KCNU1: variants seen among roughly 807,000 people sequenced by gnomAD.
The protein encoded by KCNU1 is potassium channel subfamily U member 1.
A neutral mutation model predicts 126.8 loss-of-function variants in KCNU1; 93 were observed. The ratio of observed to expected loss-of-function variants is 0.73; its 90% CI spans 0.62 to 0.87. KCNU1 has a LOEUF of 0.87. KCNU1 is among the 40% of genes least tolerant of loss of function. The pLI is 0.00. For synonymous variants in KCNU1, 523 were observed against 494.2 expected (o/e 1.06, Z -0.77); for missense variants, 1,330 against 1,367.1 (o/e 0.97, Z 0.43).
chr8:36,863,991 A>G (rs1199607937), intron 18 of KCNU1, among the ~76,000 whole-genome samples: 1 of 152,276 alleles, frequency 6.6e-6, no homozygotes, highest in East Asian at 1.9e-4. Context: ...CATAAAGCAA[A>G]AGGAGGTGAT....
rs757356932 is a variant in KCNU1 at position 36,935,754 on chromosome 8, G to C, written c.3284G>C (p.Arg1095Thr). The C allele has an allele frequency of 1.2e-6, 2 of 1,613,362 alleles. No homozygotes were observed. The highest frequency in any genetic ancestry group is 1.3e-5 in the African/African-American group (1 of 74,862). Residue 1095 changes from arginine (R) to threonine (T), a missense_variant, in exon 27 of 27, where the codon AGA (arginine) becomes ACA (threonine). Arg to Thr is a moderately conservative substitution (Grantham distance 71, BLOSUM62 -1). Around this residue, in one of 3 missense-constraint regions of KCNU1, gnomAD observed 1,054 missense variants for 1,053.9 expected, o/e 1.00. Coordinates refer to ENST00000399881, the MANE Select transcript of KCNU1 (RefSeq NM_001031836.3). ...LYSPVYSYQPRTNSLSFPKQI... is the reference protein window; with the variant it reads ...LYSPVYSYQPTTNSLSFPKQI... ...TCACCAGTCTATTCTTACCAGCCGA[G>C]AACTAACTCCCTCTCTTTTCCTAAG...
At chr8:36,917,659 T>G (rs575288196) in intron 22 of KCNU1, among the ~76,000 whole-genome samples, 197 of 152,282 alleles carry the variant, frequency 1.3e-3, no homozygotes, top group Non-Finnish European at 1.9e-3. Context: ...CCCAACCTTC[T>G]ATTCCATTTC....
chr8:36,891,063 T>G (rs1391635588), intron 19 of KCNU1, among the ~76,000 whole-genome samples: 2 of 151,848 alleles, frequency 1.3e-5, no homozygotes, highest in African/African-American at 2.4e-5. Flanking sequence ...ATGAAGCATT[T>G]AAGTCTGCTA....
intron 24 of KCNU1, 119 bp downstream of exon 24, chr8:36,922,748 A>G: frequency 9.4e-7 from 1 of 1,058,248 alleles, no homozygotes; most frequent in Non-Finnish European, 1.3e-6. Context: ...TTGATTTTCA[A>G]AAACAAGCTT....
intron 19 of KCNU1, among the ~76,000 whole-genome samples, chr8:36,894,225 A>G (rs1312446758): frequency 6.6e-6 from 1 of 152,166 alleles, no homozygotes; most frequent in African/African-American, 2.4e-5. Context: ...CTGTGGTAAA[A>G]GACTACAATA....
chr8:36,851,501 C>A (rs975819252), intron 18 of KCNU1, among the ~76,000 whole-genome samples: 2 of 152,004 alleles, frequency 1.3e-5, no homozygotes, highest in Non-Finnish European at 2.9e-5. Context: ...CCGAGCCATG[C>A]AGAACTGTGA....
intron 19 of KCNU1, among the ~76,000 whole-genome samples, chr8:36,887,755 A>T (rs1415959908): frequency 6.6e-6 from 1 of 152,166 alleles, no homozygotes; most frequent in Non-Finnish European, 1.5e-5. Flanking sequence ...TGCTAGAGAA[A>T]CAAACAAAAA....
At chr8:36,915,668 A>G (rs1417253974) in intron 22 of KCNU1, among the ~76,000 whole-genome samples, 1 of 152,144 alleles carries the variant, frequency 6.6e-6, no homozygotes, top group African/African-American at 2.4e-5. Flanking sequence ...ATTTCCCACC[A>G]TGGGTTCTTT....
At chr8:36,866,199 A>G (rs1047307254) in intron 19 of KCNU1, among the ~76,000 whole-genome samples, 9 of 152,150 alleles carry the variant, frequency 5.9e-5, no homozygotes, top group African/African-American at 2.2e-4. Flanking sequence ...CCTTCCAATG[A>G]TGTAGATTTT....
intron 10 of KCNU1, among the ~76,000 whole-genome samples, chr8:36,832,805 C>T (rs13439887): frequency 0.25 from 37,602 of 151,894 alleles, 5,015 homozygotes; most frequent in East Asian, 0.41. Flanking sequence ...TCCAAAGCTA[C>T]AAATTATTCC....
intron 13 of KCNU1, 24 bp downstream of exon 13, chr8:36,836,389 C>A: frequency 7.0e-7 from 1 of 1,433,132 alleles, no homozygotes; most frequent in Non-Finnish European, 9.8e-7. Context: ...CTAGCATATT[C>A]CATCTCCTCC....
intron 19 of KCNU1, among the ~76,000 whole-genome samples, chr8:36,875,932 GCTTT>G (rs1445892347): frequency 6.6e-6 from 1 of 152,166 alleles, no homozygotes; most frequent in Non-Finnish European, 1.5e-5. Flanking sequence ...TGGGCAACGT[GCTTT>G]CTTTTTTCTC....
rs773749528 is a variant in KCNU1 at position 36,834,892 on chromosome 8, T to C, written c.1295+24T>C. 2.1e-6 allele frequency: 3 copies of C among 1,462,014 alleles called. No homozygotes were observed. In the South Asian group the frequency reaches 3.5e-5, roughly 17 times the overall value. The allele number at this position is 1,462,014 out of a possible 1,614,324, so 90.6% of individuals were successfully genotyped here. Reference sequence around the variant, plus strand: ...AGGTAAGAAGCTGTGTTTTGTATGCTATAACGATTATTTTTTTCTATCTCT... The same window carrying C: ...AGGTAAGAAGCTGTGTTTTGTATGCCATAACGATTATTTTTTTCTATCTCT... On this transcript the variant is annotated intron_variant, in intron 12 of 26. Coordinates refer to ENST00000399881, the MANE Select transcript of KCNU1 (RefSeq NM_001031836.3).
intron 19 of KCNU1, among the ~76,000 whole-genome samples, chr8:36,900,208 G>A (rs542033148): frequency 2.0e-5 from 3 of 152,206 alleles, no homozygotes; most frequent in African/African-American, 2.4e-5. Context: ...GGAAGGAATC[G>A]CAGAGGCCTT....
In KCNU1 at chr8:36,821,896, G is replaced by A. The variant is rs113085377; in HGVS notation, c.1106+4136G>A. 4.6e-3 allele frequency among the ~76,000 whole-genome samples: 699 copies of A among 152,200 alleles called. 1 individual carries two copies. Among genetic ancestry groups the A allele is most frequent in the Non-Finnish European group, 8.7e-3 (593 of 68,010 alleles). On this transcript the variant is annotated intron_variant, in intron 10 of 26. Coordinates refer to ENST00000399881, the MANE Select transcript of KCNU1 (RefSeq NM_001031836.3). The stretch of plus-strand genomic sequence containing the variant: ...ATGTAGGCTAATGTGAGTGTTCTGA[G>A]CATCTTTGAGGTAGGCCAGGCTAAG...
chr8:36,841,026 CT>C (rs1563288654), intron 16 of KCNU1, 23 bp downstream of exon 16: 2 of 902,582 alleles, frequency 2.2e-6, no homozygotes, highest in Non-Finnish European at 3.5e-6. Flanking sequence ...CTGCTCATCT[CT>C]TCAGTTGTTT....
chr8:36,841,760 C>T (rs1045353655), intron 16 of KCNU1, among the ~76,000 whole-genome samples: 3 of 151,922 alleles, frequency 2.0e-5, no homozygotes, highest in Non-Finnish European at 2.9e-5. Flanking sequence ...ACCAGCCGAC[C>T]GGACAAAGGC....
chr8:36,907,188 T>G, intron 20 of KCNU1, among the ~76,000 whole-genome samples: 1 of 152,232 alleles, frequency 6.6e-6, no homozygotes, highest in South Asian at 2.1e-4. Context: ...ATTGCAAAAT[T>G]CGGGGTATCT....
In KCNU1 at chr8:36,808,752, AT is replaced by A. The variant is rs758997422; in HGVS notation, c.693del (p.Leu232SerfsTer52). ...GAAGTTTTCCAAACTGCTGTCAATA[AT>A]TCTCAGTACCTGGTTCACAGCTGCG... Reference protein sequence around the residue: ...SVKFSKLLSIILSTWFTAAGF... With the variant: ...SVKFSKLLSIXLSTWFTAAGF... On this transcript the variant is annotated frameshift_variant, in exon 7 of 27. Transcript: ENST00000399881. LOFTEE classifies it high-confidence loss of function. 1.9e-6 allele frequency: 3 copies of A among 1,611,924 alleles called. No homozygotes were observed. The highest frequency in any genetic ancestry group is 2.5e-6 in the Non-Finnish European group (3 of 1,178,902).
Sources: allele counts gnomAD v4.1 joint callset (sites outside exome capture counted in the v4.1 genomes callset), GRCh38; gene constraint gnomAD v4.1.1; regional missense constraint gnomAD v4.1.1; transcripts MANE v1.5; gene names NCBI Gene and HGNC (gene_info 2026-07-23, HGNC 2026-07-21).